Variants in HACD4 observed in about 807,000 individuals in gnomAD.
HACD4 encodes 3-hydroxyacyl-CoA dehydratase 4, also known as very-long-chain (3R)-3-hydroxyacyl-CoA dehydratase 4.
A neutral mutation model predicts 33.3 loss-of-function variants in HACD4; 35 were observed. The observed-to-expected ratio is 1.05, with a 90% CI of 0.80 to 1.39. The LOEUF is 1.39. HACD4 is among the 40% of genes most tolerant of loss of function. The probability of loss-of-function intolerance (pLI) is 0.00; values close to 1 mark genes in which losing one functional copy is unlikely to be tolerated. For missense variants in HACD4, 323 were observed against 276.5 expected (o/e 1.17, Z -1.19); for synonymous variants, 118 against 98.0 (o/e 1.20, Z -1.21).
In HACD4 at chr9:21,005,365, C is replaced by A. The variant is rs891815398; in HGVS notation, c.*1672G>T. ...TGCATTACAAAAAGATAAGAAAACA[C>A]GTTTGGTAGAGAACACTAAGAGTGT... On this transcript the variant is annotated 3_prime_UTR_variant, in exon 7 of 7. Transcript: ENST00000495827. The surrounding 1 kb of genome is among the most constrained non-coding windows in gnomAD (Gnocchi z 4.0). 6.6e-6 allele frequency: 1 copy of A among 152,122 alleles called. No homozygotes were observed. Among genetic ancestry groups the A allele is most frequent in the African/African-American group, 2.4e-5 (1 of 41,420 alleles). 9.4% of individuals were successfully genotyped at this position (152,122 alleles called of 1,614,324 possible).
In HACD4 at chr9:21,021,709, A is replaced by G. The variant is rs1277801558; in HGVS notation, c.270+4887T>C. On this transcript the variant is annotated intron_variant, in intron 3 of 6. Transcript: ENST00000495827. Reference sequence around the variant, plus strand: ...ACCTCTTCAAGGAGAACTACAAACCACTGCTCAACGAAATAAAAGAGGACA... The same window carrying G: ...ACCTCTTCAAGGAGAACTACAAACCGCTGCTCAACGAAATAAAAGAGGACA... 2.6e-5 allele frequency among the ~76,000 whole-genome samples: 4 copies of G among 152,326 alleles called. No individual in the cohort carries two copies. The East Asian group carries it at 7.7e-4, about 29-fold the overall frequency.
rs1301040879 is a variant in HACD4 at position 21,009,151 on chromosome 9, A to C, written c.491-1005T>G. Among the ~76,000 whole-genome samples the C allele has an allele frequency of 2.0e-5, 3 of 152,176 alleles. No homozygotes were observed. In the South Asian group the frequency reaches 6.2e-4, roughly 31 times the overall value. ...GAAATTATAGTTATTAAAATTATTAAAATTAAAGTTATCGAAAGTTTAGTA... is the reference window on the plus strand; with the variant it reads ...GAAATTATAGTTATTAAAATTATTACAATTAAAGTTATCGAAAGTTTAGTA... On this transcript the variant is annotated intron_variant, in intron 5 of 6. Coordinates refer to ENST00000495827, the MANE Select transcript of HACD4 (RefSeq NM_001010915.5).
rs1564268941 is a variant in HACD4, at chr9:21,008,066, A to AGATG, written c.567_570dup (p.Tyr191HisfsTer39). 6.2e-7 allele frequency: 1 copy of AGATG among 1,612,016 alleles called. No individual in the cohort carries two copies. Among genetic ancestry groups the AGATG allele is most frequent in the Admixed American group, 1.7e-5 (1 of 59,732 alleles). ...TATATTTTCAGCACATATGGGAAAT[A>AGATG]GATGGATAAGTCAAAGGGCAGCTTG... On this transcript the variant is annotated frameshift_variant, in exon 6 of 7. Transcript: ENST00000495827. LOFTEE classifies it high-confidence loss of function.
intron 3 of HACD4, among the ~76,000 whole-genome samples, chr9:21,023,491 T>A (rs777281596): frequency 6.6e-6 from 1 of 152,150 alleles, no homozygotes; most frequent in Non-Finnish European, 1.5e-5. Flanking sequence ...GCTAATCAGT[T>A]CCTACTGTTG....
intron 5 of HACD4, among the ~76,000 whole-genome samples, chr9:21,008,664 T>G (rs1306046613): frequency 6.6e-6 from 1 of 152,092 alleles, no homozygotes; most frequent in Non-Finnish European, 1.5e-5. Flanking sequence ...TTTGAAGAAC[T>G]CTATGAGAAA....
rs1422419199 is a variant in HACD4 at position 21,000,163 on chromosome 9, A to G, written c.*6874T>C. 1 of 152,184 alleles carries G rather than the reference A, an allele frequency of 6.6e-6. No homozygotes were observed. The highest frequency in any genetic ancestry group is 1.5e-5 in the Non-Finnish European group (1 of 68,016). The allele number at this position is 152,184 out of a possible 1,614,324, so 9.4% of individuals were successfully genotyped here. A position where few individuals can be genotyped will look rare whatever the true frequency, so the allele number is the denominator to read the frequency against. ...ATGTGATGAATTAAGGCATACTTTT[A>G]CTAATTGACTTTCATATGGAATTAA... is the stretch of plus-strand genomic sequence containing the variant. On this transcript the variant is annotated 3_prime_UTR_variant, in exon 7 of 7. Transcript: ENST00000495827.
rs1587820541 is a variant in HACD4, at chr9:21,004,079, C to T, written c.*2958G>A. 1 of 152,332 alleles carries T rather than the reference C, an allele frequency of 6.6e-6. No homozygotes were observed. Among genetic ancestry groups the T allele is most frequent in the East Asian group, 1.9e-4 (1 of 5,178 alleles). 9.4% of individuals were successfully genotyped at this position (152,332 alleles called of 1,614,324 possible). A position where few individuals can be genotyped will look rare whatever the true frequency, so the allele number is the denominator to read the frequency against. ...GGAGTGCAGTGGCTCAATCTCTGCT[C>T]ACTGCAACCTCCATCTCCTGGGCTC... On this transcript the variant is annotated 3_prime_UTR_variant, in exon 7 of 7. Transcript: ENST00000495827. The surrounding 1 kb of genome is among the most constrained non-coding windows in gnomAD (Gnocchi z 4.6).
intron 3 of HACD4, among the ~76,000 whole-genome samples, chr9:21,018,300 G>A (rs748876568): frequency 2.0e-5 from 3 of 152,040 alleles, no homozygotes; most frequent in South Asian, 4.1e-4. Context: ...TGTTCTAGGC[G>A]TTTTACAAAA....
At chr9:21,014,095 T>C (rs1842501354) in intron 4 of HACD4, among the ~76,000 whole-genome samples, 1 of 152,210 alleles carries the variant, frequency 6.6e-6, no homozygotes, top group Admixed American at 6.5e-5. Context: ...TTTTTCAGGC[T>C]GAGGAAGTCT....
chr9:21,017,867 T>C (rs1013335496), intron 3 of HACD4: 1 of 152,188 alleles, frequency 6.6e-6, no homozygotes, highest in African/African-American at 2.4e-5. Context: ...CTATCCATGA[T>C]GTCAGGTCAT....
At chr9:21,025,676 C>T (rs1193022843) in intron 3 of HACD4, among the ~76,000 whole-genome samples, 1 of 151,960 alleles carries the variant, frequency 6.6e-6, no homozygotes, top group African/African-American at 2.4e-5. Context: ...TTGCCTTTAT[C>T]CAGCAATGAT....
intron 4 of HACD4, among the ~76,000 whole-genome samples, 189 bp from the exon 5 acceptor site, chr9:21,011,884 T>C (rs1038348176): frequency 8.5e-5 from 13 of 152,220 alleles, no homozygotes; most frequent in African/African-American, 3.1e-4. Flanking sequence ...GCTTGTCTCA[T>C]GTGGTAGATC....
intron 3 of HACD4, among the ~76,000 whole-genome samples, chr9:21,019,678 T>A (rs1817854744): frequency 6.6e-6 from 1 of 152,038 alleles, no homozygotes; most frequent in Non-Finnish European, 1.5e-5. Flanking sequence ...GGATCAAATG[T>A]GAAAAACAGG....
In HACD4 at chr9:21,008,167, C is replaced by T. The variant is rs758641533; in HGVS notation, c.491-21G>A. 6 of 1,596,038 alleles carry T rather than the reference C, an allele frequency of 3.8e-6. No homozygotes were observed. The South Asian group carries it at 5.7e-5, about 15-fold the overall frequency. On this transcript the variant is annotated intron_variant, in intron 5 of 6. Transcript: ENST00000495827. ...AAATGCTGTTAAAAAAGAAAGGCAT[C>T]ATAAAGGTATTCCTCCTTAAGTTGT...
In HACD4 at chr9:21,003,017, A is replaced by G. The variant is rs1429849251; in HGVS notation, c.*4020T>C. Reference sequence around the variant, plus strand: ...AAAAAGAAATTACACCTTTATTTTCACTAATTGATAATGAAATTTAGTATT... The same window carrying G: ...AAAAAGAAATTACACCTTTATTTTCGCTAATTGATAATGAAATTTAGTATT... On this transcript the variant is annotated 3_prime_UTR_variant, in exon 7 of 7. Transcript: ENST00000495827. The G allele has an allele frequency of 1.3e-5, 2 of 152,170 alleles. No homozygotes were observed. Among genetic ancestry groups the G allele is most frequent in the East Asian group, 3.8e-4 (2 of 5,200 alleles). 9.4% of individuals were successfully genotyped at this position (152,170 alleles called of 1,614,324 possible).
rs1842202451 is a variant in HACD4, at chr9:21,003,647, T to A, written c.*3390A>T. The A allele has an allele frequency of 1.3e-5, 2 of 152,200 alleles. No individual in the cohort carries two copies. Among genetic ancestry groups the A allele is most frequent in the Non-Finnish European group, 2.9e-5 (2 of 68,026 alleles). 9.4% of individuals were successfully genotyped at this position (152,200 alleles called of 1,614,324 possible). Reference sequence around the variant, plus strand: ...TTTTAAAATTACATTTTTATTATCCTATTCTTACATCACAATATATTTAAT... The same window carrying A: ...TTTTAAAATTACATTTTTATTATCCAATTCTTACATCACAATATATTTAAT... On this transcript the variant is annotated 3_prime_UTR_variant, in exon 7 of 7. Coordinates refer to ENST00000495827, the MANE Select transcript of HACD4 (RefSeq NM_001010915.5).
Position 21,004,615 on chromosome 9 carries a change from G to T in HACD4, c.*2422C>A, listed in dbSNP as rs937895119. The T allele has an allele frequency of 6.6e-6, 1 of 152,410 alleles. No individual in the cohort carries two copies. Among genetic ancestry groups the T allele is most frequent in the African/African-American group, 2.4e-5 (1 of 41,432 alleles). 9.4% of individuals were successfully genotyped at this position (152,410 alleles called of 1,614,324 possible). On this transcript the variant is annotated 3_prime_UTR_variant, in exon 7 of 7. Coordinates refer to ENST00000495827, the MANE Select transcript of HACD4 (RefSeq NM_001010915.5). This position sits in a 1 kb window ranked among gnomAD's most constrained non-coding sequence, Gnocchi z 4.6. ...AGCTAGCACCTTGGAACCTCATCAG[G>T]AACTTAATTGTCTAGCACCTTTATC... is the stretch of plus-strand genomic sequence containing the variant.
At chr9:21,023,741 A>T (rs982595003) in intron 3 of HACD4, among the ~76,000 whole-genome samples, 4 of 151,816 alleles carry the variant, frequency 2.6e-5, no homozygotes, top group Non-Finnish European at 1.5e-5. Flanking sequence ...CGTCCAGCTA[A>T]TTTTTTTGTA....
In HACD4 at chr9:21,000,147, A is replaced by G. The variant is rs1842145285; in HGVS notation, c.*6890T>C. ...ATAGACACCTACATGTATGTGATGA[A>G]TTAAGGCATACTTTTACTAATTGAC... On this transcript the variant is annotated 3_prime_UTR_variant, in exon 7 of 7. Coordinates refer to ENST00000495827, the MANE Select transcript of HACD4 (RefSeq NM_001010915.5). 1 of 152,198 alleles carries G rather than the reference A, an allele frequency of 6.6e-6. No homozygotes were observed. Among genetic ancestry groups the G allele is most frequent in the Non-Finnish European group, 1.5e-5 (1 of 68,020 alleles). 9.4% of individuals were successfully genotyped at this position (152,198 alleles called of 1,614,324 possible). A position where few individuals can be genotyped will look rare whatever the true frequency, so the allele number is the denominator to read the frequency against.
Sources: allele counts gnomAD v4.1 joint callset (sites outside exome capture counted in the v4.1 genomes callset), GRCh38; gene constraint gnomAD v4.1.1; non-coding constraint Gnocchi (gnomAD v3.1); transcripts MANE v1.5; gene names NCBI Gene and HGNC (gene_info 2026-07-23, HGNC 2026-07-21).